Variants in CYP2C18 observed in about 807,000 individuals in gnomAD.
CYP2C18 encodes the protein cytochrome P450 family 2 subfamily C member 18.
CYP2C18 carries 38 observed loss-of-function variants against 41.3 expected under a neutral mutation model. The observed-to-expected ratio is 0.92, with a 90% CI of 0.71 to 1.21. The LOEUF (loss-of-function observed/expected upper bound fraction) is 1.21, where lower values mean the gene tolerates loss of function less well. CYP2C18 is among the 50% of genes most tolerant of loss of function. The pLI is 0.00. For missense variants in CYP2C18, 635 were observed against 591.4 expected (o/e 1.07, Z -0.77); for synonymous variants, 236 against 210.0 (o/e 1.12, Z -1.07).
intron 7 of CYP2C18, among the ~76,000 whole-genome samples, chr10:94,727,233 G>A (rs919697499): frequency 6.6e-6 from 1 of 152,128 alleles, no homozygotes; most frequent in Admixed American, 6.6e-5. Context: ...TAAGGTGGGT[G>A]TAATTTCATT....
intron 3 of CYP2C18, among the ~76,000 whole-genome samples, chr10:94,689,757 T>C (rs1488752120): frequency 2.0e-5 from 3 of 152,114 alleles, no homozygotes; most frequent in Non-Finnish European, 4.4e-5. Context: ...TTGTTTTTGC[T>C]CTGAATATTT....
chr10:94,725,290 G>A (rs1331456731), intron 7 of CYP2C18, among the ~76,000 whole-genome samples: 5 of 151,340 alleles, frequency 3.3e-5, no homozygotes, highest in Non-Finnish European at 7.4e-5. Context: ...TTTGTTTCTG[G>A]TACATGGAAA....
rs369528502 is a variant in CYP2C18, at chr10:94,704,122, G to A, written c.643-2662G>A. On this transcript the variant is annotated intron_variant, in intron 4 of 8. Transcript: ENST00000285979. The stretch of plus-strand genomic sequence containing the variant: ...CCTCAGTTGGAAATGCAGAAATCAC[G>A]GGCCTTCTGCATTGGTCTCGTTGGG... Among the ~76,000 whole-genome samples, 28 of 152,084 alleles carry A rather than the reference G, an allele frequency of 1.8e-4. No individual in the cohort carries two copies. In the East Asian group the frequency reaches 2.1e-3, roughly 12 times the overall value.
intron 4 of CYP2C18, among the ~76,000 whole-genome samples, chr10:94,699,134 C>A (rs935135151): frequency 1.3e-5 from 2 of 152,160 alleles, no homozygotes; most frequent in African/African-American, 4.8e-5. Context: ...TTTGGTGAGG[C>A]CAGCATCATA....
rs557566667 is a variant in CYP2C18, at chr10:94,735,616, T to C, written c.*172T>C. 6.7e-4 allele frequency: 438 copies of C among 652,394 alleles called. 2 individuals are homozygous for C. Among genetic ancestry groups the C allele is most frequent in the Middle Eastern group, 6.6e-3 (16 of 2,418 alleles). The allele number at this position is 652,394 out of a possible 1,614,324, so 40.4% of individuals were successfully genotyped here. A position where few individuals can be genotyped will look rare whatever the true frequency, so the allele number is the denominator to read the frequency against. ...TCCAACCTCCATTAAAGAGAGTTTC[T>C]TGGGTCACTTCCTAAATATATCTGC... On this transcript the variant is annotated 3_prime_UTR_variant, in exon 9 of 9. Transcript: ENST00000285979.
intron 5 of CYP2C18, among the ~76,000 whole-genome samples, chr10:94,709,148 G>A (rs116545507): frequency 2.0e-5 from 3 of 152,176 alleles, no homozygotes; most frequent in African/African-American, 7.2e-5. Context: ...AACCGTGGCT[G>A]GATCAAAGAC....
Position 94,710,687 on chromosome 10 carries a change from G to T in CYP2C18, c.819+3727G>T, listed in dbSNP as rs530818035. Among the ~76,000 whole-genome samples, 7 of 152,206 alleles carry T rather than the reference G, an allele frequency of 4.6e-5. No individual in the cohort carries two copies. In the East Asian group the frequency reaches 9.7e-4, roughly 21 times the overall value. On this transcript the variant is annotated intron_variant, in intron 5 of 8. Coordinates refer to ENST00000285979, the MANE Select transcript of CYP2C18 (RefSeq NM_000772.3). ...GTGCTCTACTCTCCTTCCTGGCTTT[G>T]GTGTAATTTTGAGTTGATAAGCTTA... is the stretch of plus-strand genomic sequence containing the variant.
intron 4 of CYP2C18, among the ~76,000 whole-genome samples, chr10:94,695,745 G>C (rs1053816572): frequency 6.6e-6 from 1 of 152,136 alleles, no homozygotes; most frequent in Non-Finnish European, 1.5e-5. Flanking sequence ...AAAGAAAGGG[G>C]TGACAGATGG....
In CYP2C18 at chr10:94,720,472, C is replaced by G; in HGVS notation, c.896C>G (p.Thr299Arg). Residue 299 changes from threonine to arginine, a missense_variant, in exon 6 of 9, where the codon ACA (threonine) becomes AGA (arginine). By Grantham distance (71) the Thr-to-Arg change is moderately conservative (BLOSUM62 -1). Coordinates refer to ENST00000285979, the MANE Select transcript of CYP2C18 (RefSeq NM_000772.3). ...GTAACTGATATGTTTGGGGCTGGAA[C>G]AGAGACAACGAGCACCACTCTGAGA... ...ATVTDMFGAG[T>R]ETTSTTLRYG... The G allele has an allele frequency of 6.2e-7, 1 of 1,613,330 alleles. No homozygotes were observed. Among genetic ancestry groups the G allele is most frequent in the Non-Finnish European group, 8.5e-7 (1 of 1,179,514 alleles).
At chr10:94,691,594 C>CTG (rs1408883950) in intron 3 of CYP2C18, among the ~76,000 whole-genome samples, 1 of 152,150 alleles carries the variant, frequency 6.6e-6, no homozygotes, top group Non-Finnish European at 1.5e-5. Context: ...AATGGCCATA[C>CTG]CACCCAAGGT....
intron 6 of CYP2C18, 120 bp from the exon 7 acceptor site, chr10:94,724,226 C>A: frequency 1.0e-6 from 1 of 956,954 alleles, no homozygotes; most frequent in Non-Finnish European, 1.7e-6. Context: ...GGTGTACTTT[C>A]AGTCCTATAA....
chr10:94,694,609 G>A (rs892749516), intron 3 of CYP2C18, among the ~76,000 whole-genome samples: 15 of 152,084 alleles, frequency 9.9e-5, no homozygotes, highest in Admixed American at 5.2e-4. Context: ...TTTAAATGTG[G>A]CCTCTTTAAT....
chr10:94,717,507 GC>G (rs1203400248), intron 5 of CYP2C18, among the ~76,000 whole-genome samples: 8 of 152,068 alleles, frequency 5.3e-5, no homozygotes, highest in African/African-American at 1.9e-4. Flanking sequence ...TTGAATATCG[GC>G]CCCCACTCTC....
Position 94,683,993 on chromosome 10 carries a change from T to C in CYP2C18, c.168+6T>C. Reference sequence around the variant, plus strand: ...TGAGCAAATCCTTAACCAATGTAAGTATGCTTTATGTTCCTCCAGTAATGT... The same window carrying C: ...TGAGCAAATCCTTAACCAATGTAAGCATGCTTTATGTTCCTCCAGTAATGT... On this transcript the variant is annotated splice_donor_region_variant and intron_variant, in intron 1 of 8. Coordinates refer to ENST00000285979, the MANE Select transcript of CYP2C18 (RefSeq NM_000772.3). 6.3e-7 allele frequency: 1 copy of C among 1,591,934 alleles called. No individual in the cohort carries two copies. Among genetic ancestry groups the C allele is most frequent in the Non-Finnish European group, 8.6e-7 (1 of 1,166,844 alleles).
intron 4 of CYP2C18, among the ~76,000 whole-genome samples, chr10:94,696,350 T>A (rs1394040342): frequency 6.6e-6 from 1 of 152,210 alleles, no homozygotes; most frequent in East Asian, 1.9e-4. Context: ...CAACCTCTGC[T>A]GCTGATACCT....
At position 94,735,385 on chromosome 10, in the gene CYP2C18, A is replaced by T. The variant is rs1364277695; in HGVS notation, c.1414A>T (p.Ile472Phe). 6.2e-7 allele frequency: 1 copy of T among 1,613,560 alleles called. No homozygotes were observed. The highest frequency in any genetic ancestry group is 1.3e-5 in the African/African-American group (1 of 74,886). Residue 472 changes from isoleucine (I) to phenylalanine (F), a missense_variant, in exon 9 of 9, where the codon ATT becomes TTT. By Grantham distance (21) the Ile-to-Phe change is conservative. Transcript: ENST00000285979. ...CCCAAAGGATATTGACATCACCCCC[A>T]TTGCCAATGCATTTGGTCGTGTGCC... ...VDPKDIDITP[I>F]ANAFGRVPPL...
Position 94,683,804 on chromosome 10 carries a change from A to T in CYP2C18, c.-16A>T, listed in dbSNP as rs201820267. ...GTGAAAGCCCGCAGTTGTCTTACTA[A>T]GAAGAGAAGCCTTCAATGGATCCAG... On this transcript the variant is annotated 5_prime_UTR_variant, in exon 1 of 9. In the 5' UTR this introduces an upstream ATG that the reference lacks. Coordinates refer to ENST00000285979, the MANE Select transcript of CYP2C18 (RefSeq NM_000772.3). 1.1e-5 allele frequency: 17 copies of T among 1,566,108 alleles called. No homozygotes were observed. The highest frequency in any genetic ancestry group is 1.4e-5 in the African/African-American group (1 of 73,354).
chr10:94,694,194 T>C (rs1254146643), intron 3 of CYP2C18, among the ~76,000 whole-genome samples: 2 of 152,188 alleles, frequency 1.3e-5, no homozygotes, highest in Non-Finnish European at 2.9e-5. Flanking sequence ...AAATTCCTTT[T>C]TTTTCTTTGA....
At chr10:94,684,158 G>C (rs555659067) in intron 1 of CYP2C18, among the ~76,000 whole-genome samples, 171 bp downstream of exon 1, 1 of 152,086 alleles carries the variant, frequency 6.6e-6, no homozygotes, top group African/African-American at 2.4e-5. Flanking sequence ...AGGGTAATTA[G>C]CATATCCATC....
Sources: gnomAD v4.1 joint callset for allele counts (sites outside exome capture counted in the v4.1 genomes callset) on GRCh38, gnomAD v4.1.1 for gene constraint, MANE v1.5 for transcripts, NCBI Gene and HGNC (gene_info 2026-07-23, HGNC 2026-07-21) for gene names.